SUPT20H: variants seen among roughly 807,000 people sequenced by gnomAD.
SUPT20H encodes the protein SPT20 homolog, SAGA complex component.
In SUPT20H, 82 loss-of-function variants were observed where a neutral mutation model predicts 122.8. The observed-to-expected ratio is 0.67, with a 90% CI of 0.56 to 0.80. SUPT20H has a LOEUF of 0.80. Ranked by LOEUF, SUPT20H falls within the 30% of genes least tolerant of loss-of-function variation. The pLI is 0.00. For missense variants in SUPT20H, 831 were observed against 921.6 expected (o/e 0.90, Z 1.27); for synonymous variants, 291 against 313.0 (o/e 0.93, Z 0.74).
At position 37,047,885 on chromosome 13, in the gene SUPT20H, T is replaced by C. The variant is rs150376281; in HGVS notation, c.91A>G (p.Ser31Gly). 4.3e-5 allele frequency: 69 copies of C among 1,604,426 alleles called. No individual in the cohort carries two copies. The highest frequency in any genetic ancestry group is 8.6e-5 in the Admixed American group (5 of 58,466). ...CCAATTAATTATTCATACCTTCCAC[T>C]TGATAGGTATTTCCTTTTAGGAGGT... ...QRPPKRKYLSSGRKSVFQKLY... is the reference protein window; with the variant it reads ...QRPPKRKYLSGGRKSVFQKLY... Residue 31 changes from serine (S) to glycine (G), a missense_variant, in exon 4 of 26, where the codon AGT becomes GGT. Transcript: ENST00000350612.
chr13:37,049,074 C>G (rs2067084502), intron 2 of SUPT20H, among the ~76,000 whole-genome samples: 1 of 152,088 alleles, frequency 6.6e-6, no homozygotes, highest in South Asian at 2.1e-4. Flanking sequence ...TACAACATCT[C>G]TAGCTCAGTG....
Position 37,045,254 on chromosome 13 carries a change from G to GT in SUPT20H, c.284dup (p.Asn95LysfsTer13), listed in dbSNP as rs763182638. 3.7e-6 allele frequency: 6 copies of GT among 1,613,388 alleles called. No individual in the cohort carries two copies. Among genetic ancestry groups the GT allele is most frequent in the Non-Finnish European group, 5.1e-6 (6 of 1,179,604 alleles). ...TGCTCTAGAGGGTCTTACCTGATCC[G>GT]TTTTTTCCCCTGAGCATCAGAGAAT... On this transcript the variant is annotated frameshift_variant, in exon 6 of 26. Transcript: ENST00000350612. LOFTEE classifies it high-confidence loss of function.
chr13:37,011,983 G>A, intron 24 of SUPT20H, among the ~76,000 whole-genome samples: 1 of 151,886 alleles, frequency 6.6e-6, no homozygotes, highest in East Asian at 1.9e-4. Context: ...ACACAACTGT[G>A]GTAATTATGT....
At chr13:37,038,870 G>A (rs2064974556) in intron 9 of SUPT20H, 1 of 152,160 alleles carries the variant, frequency 6.6e-6, no homozygotes, top group Non-Finnish European at 1.5e-5. Flanking sequence ...CAGAGCAACA[G>A]GAATTCTGCT....
Position 37,017,312 on chromosome 13 carries a change from AGCTGCTGTTGCT to A in SUPT20H, c.1913_1924del (p.Gln638_Gln641del). The A allele has an allele frequency of 1.9e-6, 3 of 1,614,000 alleles. No individual in the cohort carries two copies. Among genetic ancestry groups the A allele is most frequent in the African/African-American group, 1.3e-5 (1 of 74,922 alleles). On this transcript the variant is annotated inframe_deletion, in exon 23 of 26. Transcript: ENST00000350612. ...AGGTTGTTGTGGTGTAAACTGGGAG[AGCTGCTGTTGCT>A]GCTGCTGCAGAGTGTTAAAAATAAG...
intron 1 of SUPT20H, among the ~76,000 whole-genome samples, chr13:37,055,376 G>A (rs1283634295): frequency 6.6e-6 from 1 of 152,062 alleles, no homozygotes; most frequent in Non-Finnish European, 1.5e-5. Flanking sequence ...ATACTACAAG[G>A]CTACATTAAC....
chr13:37,019,858 T>C (rs1231283189), intron 21 of SUPT20H, among the ~76,000 whole-genome samples: 1 of 152,168 alleles, frequency 6.6e-6, no homozygotes, highest in Admixed American at 6.5e-5. Context: ...TTAATCAGAA[T>C]GCTAAAGAAT....
At chr13:37,024,318 A>C (rs775076126) in intron 18 of SUPT20H, 22 bp downstream of exon 18, 1 of 1,551,802 alleles carries the variant, frequency 6.4e-7, no homozygotes, top group South Asian at 1.3e-5. Context: ...TCTAGACTGC[A>C]AAAAACTAAG....
chr13:37,025,236 C>G, intron 17 of SUPT20H, 84 bp downstream of exon 17: 2 of 1,214,590 alleles, frequency 1.6e-6, no homozygotes, highest in Non-Finnish European at 2.4e-6. Context: ...GCCACTGTGC[C>G]TAGCCTCCAA....
intron 14 of SUPT20H, among the ~76,000 whole-genome samples, chr13:37,027,937 AG>A (rs2062604554): frequency 6.6e-6 from 1 of 152,164 alleles, no homozygotes; most frequent in Non-Finnish European, 1.5e-5. Flanking sequence ...ATTATACCAT[AG>A]GTTTTTTTAT....
At chr13:37,055,952 G>A (rs546194257) in intron 1 of SUPT20H, among the ~76,000 whole-genome samples, 1 of 152,268 alleles carries the variant, frequency 6.6e-6, no homozygotes, top group South Asian at 2.1e-4. Context: ...CAATCAGTGG[G>A]CGAAGGATAT....
chr13:37,012,097 C>T, intron 24 of SUPT20H, 95 bp downstream of exon 24: 9 of 945,816 alleles, frequency 9.5e-6, no homozygotes, highest in Non-Finnish European at 1.5e-5. Flanking sequence ...TTACTGGTTG[C>T]AAGGGAAGGA....
intron 23 of SUPT20H, among the ~76,000 whole-genome samples, chr13:37,015,076 A>G (rs1360322193): frequency 6.6e-6 from 1 of 152,110 alleles, no homozygotes; most frequent in Non-Finnish European, 1.5e-5. Flanking sequence ...AAACAAGTGA[A>G]AATGCTTCAG....
chr13:37,043,088 C>T (rs2065787075), intron 7 of SUPT20H, among the ~76,000 whole-genome samples: 1 of 148,850 alleles, frequency 6.7e-6, no homozygotes. Flanking sequence ...AGTATGCTTG[C>T]ATTCTGCATT....
At chr13:37,031,400 T>C (rs2063301120) in intron 12 of SUPT20H, among the ~76,000 whole-genome samples, 167 bp downstream of exon 12, 2 of 152,146 alleles carry the variant, frequency 1.3e-5, no homozygotes, top group Admixed American at 1.3e-4. Flanking sequence ...CATTTTTCGA[T>C]GTTTTTTGAA....
rs773559715 is a variant in SUPT20H, at chr13:37,040,640, T to C, written c.449A>G (p.Gln150Arg). The C allele has an allele frequency of 1.1e-5, 18 of 1,614,012 alleles. No homozygotes were observed. Among genetic ancestry groups the C allele is most frequent in the South Asian group, 2.2e-5 (2 of 91,084 alleles). The change falls in exon 8 of 26, where the codon CAG (glutamine) becomes CGG (arginine). Residue 150 changes from glutamine to arginine, a missense_variant. By Grantham distance (43) the Gln-to-Arg change is conservative. Coordinates refer to ENST00000350612, the MANE Select transcript of SUPT20H (RefSeq NM_001014286.3). ...CVIAEIRDYRQSSNMKSPGYQ... is the reference protein window; with the variant it reads ...CVIAEIRDYRRSSNMKSPGYQ... ...ACCAGGAGATTTCATGTTACTGGAC[T>C]GCCTGTAGTCACGTATTTCTGCTAT... is the stretch of plus-strand genomic sequence containing the variant.
At chr13:37,026,063 C>T (rs2062203821) in intron 16 of SUPT20H, 141 bp downstream of exon 16, 1 of 563,668 alleles carries the variant, frequency 1.8e-6, no homozygotes, top group African/African-American at 2.0e-5. Flanking sequence ...ACAACAGAGA[C>T]CCATAAATAT....
intron 23 of SUPT20H, chr13:37,013,685 G>A (rs1043037492): frequency 6.6e-6 from 1 of 151,898 alleles, no homozygotes; most frequent in South Asian, 2.1e-4. Flanking sequence ...ACATCCTTTG[G>A]TACCACCTAA....
At chr13:37,049,553 A>G (rs973336060) in intron 2 of SUPT20H, among the ~76,000 whole-genome samples, 1 of 152,190 alleles carries the variant, frequency 6.6e-6, no homozygotes, top group African/African-American at 2.4e-5. Context: ...CAGCCTGGCC[A>G]ACATGGTGAA....
Sources: allele counts gnomAD v4.1 joint callset (sites outside exome capture counted in the v4.1 genomes callset), GRCh38; gene constraint gnomAD v4.1.1; transcripts MANE v1.5; gene names NCBI Gene and HGNC (gene_info 2026-07-23, HGNC 2026-07-21).